The following SMPX variants were observed in gnomAD, a reference collection of about 807,000 sequenced individuals.
The protein encoded by SMPX is small muscle protein X-linked.
In SMPX, 2 loss-of-function variants were observed where a neutral mutation model predicts 6.3. That is an observed-to-expected ratio of 0.32 (90% confidence interval 0.13 to 0.99). The LOEUF (loss-of-function observed/expected upper bound fraction) is 0.99. SMPX is among the 50% of genes least tolerant of loss of function. The pLI, the probability that SMPX is intolerant of heterozygous loss-of-function variation, is 0.49. For synonymous variants in SMPX, 32 were observed against 24.7 expected, an observed-to-expected ratio of 1.30 and a Z score of -0.88; for missense variants, 60 against 66.8, an observed-to-expected ratio of 0.90 and a Z score of 0.36.
chrX:21,712,753 A>T lies in SMPX; in HGVS notation c.*15-6359T>A, dbSNP rs532623611. ...AAGTAGACAAAGTGATAAATAAGTC[A>T]AGGAGACTGCTGTCTTAACCAAGAG... On this transcript the variant is annotated intron_variant, in intron 4 of 4. Coordinates refer to ENST00000379494, the MANE Select transcript of SMPX (RefSeq NM_014332.3). Among the ~76,000 whole-genome samples the T allele has an allele frequency of 2.7e-5, 3 of 112,254 alleles. No homozygotes were observed. The Admixed American group carries it at 2.8e-4, about 11-fold the overall frequency.
chrX:21,722,901 G>A (rs2092793270), intron 4 of SMPX, among the ~76,000 whole-genome samples: 1 of 111,371 alleles, frequency 9.0e-6, no homozygotes, highest in African/African-American at 3.3e-5. Context: ...CAAGGTAAAG[G>A]GCTTGCAATA....
intron 4 of SMPX, among the ~76,000 whole-genome samples, chrX:21,723,489 G>A (rs1450598185): frequency 8.9e-6 from 1 of 112,272 alleles, no homozygotes; most frequent in African/African-American, 3.2e-5. Context: ...TTTGATGCTA[G>A]AATGTGGACC....
chrX:21,718,019 A>G (rs2092787196), intron 4 of SMPX, among the ~76,000 whole-genome samples: 1 of 112,410 alleles, frequency 8.9e-6, no homozygotes, highest in African/African-American at 3.2e-5. Context: ...TGAGACAGTT[A>G]ACACAGGCCC....
At chrX:21,718,319 A>T (rs1339831319) in intron 4 of SMPX, among the ~76,000 whole-genome samples, 1 of 112,382 alleles carries the variant, frequency 8.9e-6, no homozygotes, top group African/African-American at 3.2e-5. Flanking sequence ...GGTCAAACAT[A>T]TGAGAAGATC....
intron 2 of SMPX, among the ~76,000 whole-genome samples, chrX:21,753,493 T>G (rs2092829603): frequency 9.0e-6 from 1 of 111,199 alleles, no homozygotes; most frequent in Non-Finnish European, 1.9e-5. Context: ...AAGAAAAAAG[T>G]CCCTTTGGAG....
chrX:21,730,006 T>C (rs1229697944), intron 4 of SMPX, among the ~76,000 whole-genome samples: 1 of 112,300 alleles, frequency 8.9e-6, no homozygotes, highest in Non-Finnish European at 1.9e-5. Flanking sequence ...GCAGAACCTG[T>C]CTTTATCCTA....
chrX:21,753,220 G>T (rs766059951), intron 2 of SMPX, among the ~76,000 whole-genome samples: 1 of 111,901 alleles, frequency 8.9e-6, no homozygotes, highest in Non-Finnish European at 1.9e-5. Context: ...TCCAGAGGTT[G>T]CTCTACATCC....
chrX:21,718,000 T>C (rs1033434925), intron 4 of SMPX, among the ~76,000 whole-genome samples: 1 of 112,281 alleles, frequency 8.9e-6, no homozygotes, highest in African/African-American at 3.2e-5. Context: ...GAAAAAAGCC[T>C]GCCAAGTCTG....
chrX:21,720,424 G>A (rs1353053595), intron 4 of SMPX, among the ~76,000 whole-genome samples: 2 of 112,251 alleles, frequency 1.8e-5, no homozygotes, highest in African/African-American at 3.2e-5. Flanking sequence ...CCTCATGAGG[G>A]ACCCTAGGCT....
At chrX:21,724,003 A>C (rs1226099167) in intron 4 of SMPX, among the ~76,000 whole-genome samples, 1 of 112,202 alleles carries the variant, frequency 8.9e-6, no homozygotes, top group Non-Finnish European at 1.9e-5. Context: ...CTCTGACACC[A>C]GCTGGGTTGC....
At chrX:21,714,841 T>C (rs1228064008) in intron 4 of SMPX, among the ~76,000 whole-genome samples, 1 of 112,739 alleles carries the variant, frequency 8.9e-6, no homozygotes, top group Non-Finnish European at 1.9e-5. Flanking sequence ...TTCCTTTGTC[T>C]ATTAAGGTGT....
chrX:21,740,474 C>T (rs1180094824), intron 3 of SMPX, among the ~76,000 whole-genome samples: 2 of 111,934 alleles, frequency 1.8e-5, no homozygotes, highest in East Asian at 2.8e-4. Context: ...TAAAACTTGG[C>T]AAAACAGTGA....
intron 4 of SMPX, among the ~76,000 whole-genome samples, chrX:21,717,511 C>T (rs1048702226): frequency 2.0e-4 from 22 of 112,644 alleles, no homozygotes; most frequent in African/African-American, 7.1e-4. Flanking sequence ...TTGGACACAG[C>T]TCTGTGCTTA....
chrX:21,741,770 CA>C (rs371712860), intron 3 of SMPX, among the ~76,000 whole-genome samples: 218 of 103,703 alleles, frequency 2.1e-3, no homozygotes, highest in African/African-American at 6.6e-3. Flanking sequence ...TAAGTTGTTA[CA>C]AAAAAAAAAG....
intron 1 of SMPX, among the ~76,000 whole-genome samples, chrX:21,755,762 G>T (rs1569310329): frequency 8.9e-6 from 1 of 111,868 alleles, no homozygotes; most frequent in Non-Finnish European, 1.9e-5. Flanking sequence ...ATAGTTTTTG[G>T]AGCCACATAC....
intron 4 of SMPX, among the ~76,000 whole-genome samples, chrX:21,733,494 T>A (rs1176252247): frequency 8.9e-6 from 1 of 112,085 alleles, no homozygotes; most frequent in African/African-American, 3.2e-5. Context: ...GAAGTCTGAC[T>A]GCCACACATG....
At chrX:21,741,318 C>A (rs1351212830) in intron 3 of SMPX, among the ~76,000 whole-genome samples, 1 of 112,382 alleles carries the variant, frequency 8.9e-6, no homozygotes. Context: ...CAGTAATTAT[C>A]CTCATGCAAG....
chrX:21,751,736 C>A (rs968753297), intron 2 of SMPX, among the ~76,000 whole-genome samples: 2 of 111,502 alleles, frequency 1.8e-5, no homozygotes, highest in Non-Finnish European at 3.8e-5. Context: ...AGATAAAATC[C>A]TAATAAAAAT....
chrX:21,711,696 G>A (rs1158161236), intron 4 of SMPX, among the ~76,000 whole-genome samples: 1 of 111,851 alleles, frequency 8.9e-6, no homozygotes, highest in Non-Finnish European at 1.9e-5. Flanking sequence ...GGGAAATGGA[G>A]TCCACTCAAC....
Sources: allele counts gnomAD v4.1 joint callset (sites outside exome capture counted in the v4.1 genomes callset), GRCh38; gene constraint gnomAD v4.1.1; transcripts MANE v1.5; gene names NCBI Gene and HGNC (gene_info 2026-07-23, HGNC 2026-07-21).